Variants in PIGN observed in about 807,000 individuals in gnomAD.
PIGN encodes phosphatidylinositol glycan anchor biosynthesis class N.
A neutral mutation model predicts 125.4 loss-of-function variants in PIGN; 117 were observed. That is an observed-to-expected ratio of 0.93 (90% CI 0.80 to 1.09). The LOEUF is 1.09. Ranked by LOEUF, PIGN falls within the 50% of genes least tolerant of loss-of-function variation. The pLI is 0.00. For synonymous variants in PIGN, 392 were observed against 377.8 expected (o/e 1.04, Z -0.44); for missense variants, 1,075 against 1,094.9 (o/e 0.98, Z 0.26).
In PIGN at chr18:62,109,870, A is replaced by T. The variant is rs532311843; in HGVS notation, c.1538T>A (p.Leu513Ter). ...CGCATACCATATTGGCAGTGGCAAC[A>T]AACCATATACATAATATGTCCAGGG... ...ACPWTYYVYGLLPLPIWYAVL... is the reference protein window; with the variant it reads ...ACPWTYYVYG The change falls in exon 17 of 31, where the codon TTG (leucine) becomes TAG (stop). Residue 513 changes from leucine (L) to a stop codon, truncating the protein, a stop_gained. Coordinates refer to ENST00000640252, the MANE Select transcript of PIGN (RefSeq NM_176787.5). LOFTEE classifies it high-confidence loss of function. The T allele has an allele frequency of 1.2e-6, 2 of 1,612,930 alleles. No individual in the cohort carries two copies. The highest frequency in any genetic ancestry group is 2.7e-5 in the African/African-American group (2 of 75,004).
chr18:62,086,445 C>T (rs1444682474), intron 25 of PIGN, among the ~76,000 whole-genome samples: 1 of 151,884 alleles, frequency 6.6e-6, no homozygotes, highest in Non-Finnish European at 1.5e-5. Context: ...GGTGAAACCC[C>T]GTCTCTACTA....
Position 62,054,365 on chromosome 18 carries a change from TA to T in PIGN, c.2673-8387del, listed in dbSNP as rs751839459. 3.6e-3 allele frequency among the ~76,000 whole-genome samples: 501 copies of T among 140,076 alleles called. 2 individuals carry two copies. Among genetic ancestry groups the T allele is most frequent in the African/African-American group, 0.012 (456 of 38,448 alleles). 91.9% of individuals were successfully genotyped at this position (140,076 alleles called of 152,430 possible). A position where few individuals can be genotyped will look rare whatever the true frequency, so the allele number is the denominator to read the frequency against. On this transcript the variant is annotated intron_variant, in intron 30 of 30. Coordinates refer to ENST00000640252, the MANE Select transcript of PIGN (RefSeq NM_176787.5). ...AAAAGTAAATCTGATAAATTGGGCT[TA>T]AAAAAAAAAACAAAAAACTTTTGCT...
intron 14 of PIGN, among the ~76,000 whole-genome samples, chr18:62,134,263 T>C (rs12150699): frequency 0.58 from 88,378 of 151,830 alleles, 26,494 homozygotes; most frequent in East Asian, 0.78. Flanking sequence ...CGTGGTGGCG[T>C]GCTTGTAAGC....
At chr18:62,061,444 G>A (rs1165142783) in intron 30 of PIGN, among the ~76,000 whole-genome samples, 1 of 72,006 alleles carries the variant, frequency 1.4e-5, no homozygotes, top group African/African-American at 4.1e-5. Context: ...AAAGGAGCTT[G>A]CAGTGAGCCG....
Position 62,145,940 on chromosome 18 carries a change from T to G in PIGN, c.891A>C (p.Ser297=), listed in dbSNP as rs1213282925. The change falls in exon 10 of 31, where the codon TCA becomes TCC. Residue 297 remains serine (S), a synonymous_variant. Coordinates refer to ENST00000640252, the MANE Select transcript of PIGN (RefSeq NM_176787.5). ...GAGIKYPQRV[S]AQQFDDAFLK... Reference sequence around the variant, plus strand: ...AAAATGCATCATCAAATTGCTGAGCTGATACTCTTTGGGGATACTTGATTC... The same window carrying G: ...AAAATGCATCATCAAATTGCTGAGCGGATACTCTTTGGGGATACTTGATTC... The G allele has an allele frequency of 4.4e-6, 7 of 1,602,894 alleles. No homozygotes were observed. The highest frequency in any genetic ancestry group is 6.0e-6 in the Non-Finnish European group (7 of 1,170,578).
chr18:62,067,454 A>C (rs1001194668), intron 30 of PIGN, among the ~76,000 whole-genome samples: 4 of 152,198 alleles, frequency 2.6e-5, no homozygotes, highest in Non-Finnish European at 5.9e-5. Flanking sequence ...TGTCACCCTA[A>C]AAGTTCCTAC....
chr18:62,158,734 C>T (rs1599657277), intron 4 of PIGN, among the ~76,000 whole-genome samples: 2 of 152,192 alleles, frequency 1.3e-5, no homozygotes, highest in South Asian at 2.1e-4. Context: ...TATTGACTTA[C>T]CTAATAATAA....
At chr18:62,091,047 C>A (rs1420573618) in intron 23 of PIGN, among the ~76,000 whole-genome samples, 1 of 151,950 alleles carries the variant, frequency 6.6e-6, no homozygotes, top group Non-Finnish European at 1.5e-5. Context: ...TCATATTTGC[C>A]AATATTAAAA....
At chr18:62,144,277 C>T (rs2036240484) in intron 10 of PIGN, among the ~76,000 whole-genome samples, 1 of 152,186 alleles carries the variant, frequency 6.6e-6, no homozygotes. Flanking sequence ...TTGATCCAAT[C>T]TAATCCATTT....
At chr18:62,107,136 T>C (rs1004565942) in intron 17 of PIGN, 51 bp from the exon 18 acceptor site, 8 of 1,123,870 alleles carry the variant, frequency 7.1e-6, no homozygotes, top group Non-Finnish European at 1.1e-5. Flanking sequence ...TCATACATAG[T>C]ATAACAATAC....
At position 62,045,734 on chromosome 18, in the gene PIGN, C is replaced by G. The variant is rs534651030; in HGVS notation, c.*122G>C. On this transcript the variant is annotated 3_prime_UTR_variant, in exon 31 of 31. Coordinates refer to ENST00000640252, the MANE Select transcript of PIGN (RefSeq NM_176787.5). ...CCTGTCAATTCGGAATTCCAAATAC[C>G]ATTTTCCTTACAGGAGTAGAATATA... 246 of 894,248 alleles carry G rather than the reference C, an allele frequency of 2.8e-4. No homozygotes were observed. The highest frequency in any genetic ancestry group is 3.7e-4 in the Non-Finnish European group (231 of 621,442). 55.4% of individuals were successfully genotyped at this position (894,248 alleles called of 1,614,324 possible).
At chr18:62,134,201 T>C (rs186030726) in intron 14 of PIGN, among the ~76,000 whole-genome samples, 292 of 152,142 alleles carry the variant, frequency 1.9e-3, no homozygotes, top group Middle Eastern at 3.4e-3. Flanking sequence ...GAGACCAGCC[T>C]AGCCAACATG....
chr18:62,122,677 G>T (rs1034933381), intron 14 of PIGN, among the ~76,000 whole-genome samples: 11 of 152,096 alleles, frequency 7.2e-5, no homozygotes, highest in Admixed American at 6.6e-4. Context: ...AAAAGACCCT[G>T]ATTAGTTACT....
intron 7 of PIGN, among the ~76,000 whole-genome samples, chr18:62,153,026 C>T (rs75469856): frequency 0.041 from 6,233 of 151,752 alleles, 428 homozygotes; most frequent in African/African-American, 0.14. Context: ...GACCTGGCTC[C>T]CAGGCAGTCC....
intron 1 of PIGN, among the ~76,000 whole-genome samples, chr18:62,185,412 C>A (rs950066781): frequency 6.0e-5 from 9 of 151,146 alleles, no homozygotes; most frequent in African/African-American, 2.2e-4. Context: ...ATTCTTGGTA[C>A]TTTTTTTTTA....
At chr18:62,147,470 A>C (rs2036376441) in intron 8 of PIGN, among the ~76,000 whole-genome samples, 1 of 152,224 alleles carries the variant, frequency 6.6e-6, no homozygotes, top group African/African-American at 2.4e-5. Context: ...TTCATTCCCT[A>C]AAGTGCTTTT....
intron 14 of PIGN, chr18:62,137,342 C>G (rs1361404082): frequency 5.1e-6 from 2 of 393,892 alleles, no homozygotes; most frequent in Non-Finnish European, 4.5e-6. Context: ...GGGACTCAGA[C>G]TGGCTTCTTT....
intron 1 of PIGN, among the ~76,000 whole-genome samples, chr18:62,166,307 C>T (rs577471347): frequency 1.2e-4 from 19 of 152,320 alleles, no homozygotes; most frequent in Middle Eastern, 3.4e-3. Flanking sequence ...CCTTCTCAAA[C>T]GTCACCAACT....
chr18:62,183,593 A>G (rs1300821570), intron 1 of PIGN, among the ~76,000 whole-genome samples: 1 of 152,226 alleles, frequency 6.6e-6, no homozygotes, highest in Non-Finnish European at 1.5e-5. Context: ...TTGTAATTAC[A>G]TAGCTTTGTC....
Sources: allele counts gnomAD v4.1 joint callset (sites outside exome capture counted in the v4.1 genomes callset), GRCh38; gene constraint gnomAD v4.1.1; transcripts MANE v1.5; gene names NCBI Gene and HGNC (gene_info 2026-07-23, HGNC 2026-07-21).